The following BAIAP2L2 variants were observed in gnomAD, a reference collection of about 807,000 sequenced individuals.
BAIAP2L2 encodes BAR/IMD domain containing adaptor protein 2 like 2, also known as BAR/IMD domain-containing adapter protein 2-like 2.
A neutral mutation model predicts 60.4 loss-of-function variants in BAIAP2L2; 65 were observed. That is an observed-to-expected ratio of 1.08 (90% CI 0.88 to 1.32). The LOEUF (loss-of-function observed/expected upper bound fraction) is 1.32. Ranked by LOEUF, BAIAP2L2 falls within the 40% of genes most tolerant of loss-of-function variation. BAIAP2L2 has a pLI of 0.00. For missense variants in BAIAP2L2, 836 were observed against 741.2 expected, an observed-to-expected ratio of 1.13 and a Z score of -1.48; for synonymous variants, 344 against 301.7, an observed-to-expected ratio of 1.14 and a Z score of -1.45.
chr22:38,107,717 C>T lies in BAIAP2L2; in HGVS notation c.276+135G>A, dbSNP rs536974386. 6.6e-5 allele frequency: 53 copies of T among 797,420 alleles called. No homozygotes were observed. The East Asian group carries it at 1.2e-3, about 19-fold the overall frequency. 49.4% of individuals were successfully genotyped at this position (797,420 alleles called of 1,614,324 possible). On this transcript the variant is annotated intron_variant, in intron 4 of 13. Transcript: ENST00000381669. Reference sequence around the variant, plus strand: ...ACGACTATTGCAGGGAACCGTGCCCCACAGAGCCGGGTGCTGGGAAGGGCA... The same window carrying T: ...ACGACTATTGCAGGGAACCGTGCCCTACAGAGCCGGGTGCTGGGAAGGGCA...
intron 10 of BAIAP2L2, among the ~76,000 whole-genome samples, chr22:38,087,891 C>CA (rs132925): frequency 9.5e-5 from 2 of 20,972 alleles, no homozygotes; most frequent in Non-Finnish European, 2.3e-4. Context: ...CAGTCAGTGA[C>CA]CCCCCCCCCG....
At chr22:38,107,552 A>G (rs889585606) in intron 4 of BAIAP2L2, among the ~76,000 whole-genome samples, 2 of 152,150 alleles carry the variant, frequency 1.3e-5, no homozygotes, top group African/African-American at 2.4e-5. Context: ...GGAGGGCTGC[A>G]GTGAAAGGAC....
At chr22:38,085,551 G>GT in intron 13 of BAIAP2L2, 135 bp downstream of exon 13, 1 of 1,299,662 alleles carries the variant, frequency 7.7e-7, no homozygotes, top group South Asian at 1.2e-5. Flanking sequence ...GTCTCACAGT[G>GT]TTGCTCAAGC....
intron 2 of BAIAP2L2, among the ~76,000 whole-genome samples, chr22:38,108,568 T>C (rs1355010596): frequency 6.6e-6 from 1 of 151,606 alleles, no homozygotes; most frequent in Admixed American, 6.6e-5. Flanking sequence ...AGCAGGGGGA[T>C]GGGAGGCCCT....
chr22:38,108,643 G>A (rs2086720435), intron 2 of BAIAP2L2, among the ~76,000 whole-genome samples: 1 of 152,170 alleles, frequency 6.6e-6, no homozygotes, highest in Admixed American at 6.5e-5. Context: ...AGCGGCCACA[G>A]CGGACGGGTA....
chr22:38,087,187 A>T lies in BAIAP2L2; in HGVS notation c.1196T>A (p.Met399Lys), dbSNP rs1238268544. The change falls in exon 11 of 14, where the codon ATG (methionine) becomes AAG (lysine). Residue 399 changes from methionine to lysine, a missense_variant. Coordinates refer to ENST00000381669, the MANE Select transcript of BAIAP2L2 (RefSeq NM_025045.6). ...GGGGGACATGGAGGTCATGGAGGTC[A>T]TGGGGGTCACGGGGGTCATGGGATT... ...PVNPMTPVTP[M>K]TSMTSMSPMT... 1 of 1,602,074 alleles carries T rather than the reference A, an allele frequency of 6.2e-7. No homozygotes were observed. Among genetic ancestry groups the T allele is most frequent in the South Asian group, 1.1e-5 (1 of 89,230 alleles).
intron 7 of BAIAP2L2, among the ~76,000 whole-genome samples, chr22:38,095,621 T>C (rs1443424042): frequency 3.9e-5 from 6 of 152,200 alleles, no homozygotes; most frequent in Non-Finnish European, 8.8e-5. Context: ...CACCTCGCGC[T>C]CCCAAAGTGT....
At chr22:38,087,019 C>CA (rs1162931010) in intron 11 of BAIAP2L2, 105 bp downstream of exon 11, 18 of 1,177,760 alleles carry the variant, frequency 1.5e-5, no homozygotes, top group East Asian at 6.3e-5. Context: ...CAAAACAAAA[C>CA]AAAAAAACAA....
chr22:38,108,822 T>G (rs534095895), intron 2 of BAIAP2L2, among the ~76,000 whole-genome samples: 1 of 151,944 alleles, frequency 6.6e-6, no homozygotes, highest in Non-Finnish European at 1.5e-5. Context: ...TAGAAATGTA[T>G]GCACTGTCAG....
At chr22:38,099,464 G>A (rs928656106) in intron 4 of BAIAP2L2, among the ~76,000 whole-genome samples, 1 of 152,066 alleles carries the variant, frequency 6.6e-6, no homozygotes, top group Non-Finnish European at 1.5e-5. Context: ...AACCAGGGAG[G>A]CGGAGGTTGT....
chr22:38,092,567 A>T (rs1403378511), intron 7 of BAIAP2L2, among the ~76,000 whole-genome samples: 1 of 152,068 alleles, frequency 6.6e-6, no homozygotes, highest in Non-Finnish European at 1.5e-5. Flanking sequence ...ATGAGCCACC[A>T]CGCCCACCCC....
Position 38,110,629 on chromosome 22 carries a change from A to C in BAIAP2L2, c.-104T>G, listed in dbSNP as rs2086825717. The C allele has an allele frequency of 1.1e-6, 1 of 936,206 alleles. No individual in the cohort carries two copies. The highest frequency in any genetic ancestry group is 1.7e-5 in the South Asian group (1 of 58,410). 58.0% of individuals were successfully genotyped at this position (936,206 alleles called of 1,614,324 possible). A position where few individuals can be genotyped will look rare whatever the true frequency, so the allele number is the denominator to read the frequency against. On this transcript the variant is annotated 5_prime_UTR_variant, in exon 1 of 14. Transcript: ENST00000381669. Reference sequence around the variant, plus strand: ...CTCAGGTGCCCACGACTCAGCTGGCAGCGAGGAAGCCTCGGAGAGGGACCT... The same window carrying C: ...CTCAGGTGCCCACGACTCAGCTGGCCGCGAGGAAGCCTCGGAGAGGGACCT...
intron 4 of BAIAP2L2, among the ~76,000 whole-genome samples, chr22:38,106,247 G>T (rs1334010054): frequency 1.3e-5 from 2 of 152,080 alleles, no homozygotes; most frequent in African/African-American, 4.8e-5. Flanking sequence ...CGCCAGGCGC[G>T]GTGGCTCACG....
In BAIAP2L2 at chr22:38,085,135, T is replaced by G. The variant is rs2086015465; in HGVS notation, c.*165A>C. 9.2e-6 allele frequency: 6 copies of G among 650,084 alleles called. No homozygotes were observed. Among genetic ancestry groups the G allele is most frequent in the Non-Finnish European group, 1.3e-5 (5 of 379,974 alleles). The allele number at this position is 650,084 out of a possible 1,614,324, so 40.3% of individuals were successfully genotyped here. On this transcript the variant is annotated 3_prime_UTR_variant, in exon 14 of 14. Coordinates refer to ENST00000381669, the MANE Select transcript of BAIAP2L2 (RefSeq NM_025045.6). ...TTGAAGGTCTCGGACCCCAAGCCAG[T>G]GCTTTGGAGCTGCTCAGGCTGCCGG...
rs2086182588 is a variant in BAIAP2L2 at position 38,088,833 on chromosome 22, G to A, written c.1033C>T (p.Arg345Cys). The A allele has an allele frequency of 1.3e-6, 2 of 1,599,898 alleles. No individual in the cohort carries two copies. Among genetic ancestry groups the A allele is most frequent in the South Asian group, 2.2e-5 (2 of 90,966 alleles). The change falls in exon 10 of 14, where the codon CGC becomes TGC. Residue 345 changes from arginine to cysteine, a missense_variant. Coordinates refer to ENST00000381669, the MANE Select transcript of BAIAP2L2 (RefSeq NM_025045.6). ...HSEGANHTLL[R>C]FSAGDVVEVL... ...TCCACCACGTCCCCAGCGGAGAAGC[G>A]CAGCAGCGTGTGGTTGGCGCCCTCC... is the stretch of plus-strand genomic sequence containing the variant.
chr22:38,108,746 G>A (rs1379748590), intron 2 of BAIAP2L2, among the ~76,000 whole-genome samples: 7 of 152,192 alleles, frequency 4.6e-5, no homozygotes, highest in South Asian at 4.1e-4. Flanking sequence ...GCTGCTGTGT[G>A]AGCCTGGGTG....
chr22:38,109,332 C>A (rs2086741039), intron 1 of BAIAP2L2, 124 bp from the exon 2 acceptor site: 1 of 745,930 alleles, frequency 1.3e-6, no homozygotes, highest in Non-Finnish European at 2.3e-6. Context: ...AAGCCCCAGA[C>A]TTTGGGGGGC....
chr22:38,108,333 C>G lies in BAIAP2L2; in HGVS notation c.136G>C (p.Glu46Gln), dbSNP rs769109503. ...GCACTGAAGTAGACCTCGGCCGCCT[C>G]GGACAGAGCTGTGGACCAGAAGGGA... Reference protein sequence around the residue: ...NYLRAFHALSEAAEVYFSAIQ... With the variant: ...NYLRAFHALSQAAEVYFSAIQ... The change falls in exon 3 of 14, where the codon GAG becomes CAG. Residue 46 changes from glutamate to glutamine, a missense_variant. Transcript: ENST00000381669. 4 of 1,612,300 alleles carry G rather than the reference C, an allele frequency of 2.5e-6. No individual in the cohort carries two copies. Among genetic ancestry groups the G allele is most frequent in the Non-Finnish European group, 2.5e-6 (3 of 1,179,728 alleles).
At chr22:38,089,774 A>C (rs2086236161) in intron 7 of BAIAP2L2, 100 bp from the exon 8 acceptor site, 1 of 1,117,338 alleles carries the variant, frequency 8.9e-7, no homozygotes, top group African/African-American at 1.6e-5. Flanking sequence ...AGGCCCTACC[A>C]GCTCGGGACG....
Sources: allele counts gnomAD v4.1 joint callset (sites outside exome capture counted in the v4.1 genomes callset), GRCh38; gene constraint gnomAD v4.1.1; transcripts MANE v1.5; gene names NCBI Gene and HGNC (gene_info 2026-07-23, HGNC 2026-07-21).